The following ECT2L variants were observed in gnomAD, a reference collection of about 807,000 sequenced individuals.
ECT2L encodes the protein epithelial cell-transforming sequence 2 oncogene-like.
ECT2L carries 126 observed loss-of-function variants against 122.8 expected under a neutral mutation model. The ratio of observed to expected loss-of-function variants is 1.03; its 90% confidence interval spans 0.89 to 1.19. The LOEUF is 1.19. Among genes scored for constraint, ECT2L ranks in the 50% most tolerant of loss-of-function variants. ECT2L has a pLI of 0.00. For synonymous variants in ECT2L, 385 were observed against 381.8 expected, an observed-to-expected ratio of 1.01 and a Z score of -0.10; for missense variants, 1,012 against 1,064.1, an observed-to-expected ratio of 0.95 and a Z score of 0.68.
chr6:138,866,046 T>G (rs1778023638), intron 12 of ECT2L, among the ~76,000 whole-genome samples: 1 of 152,232 alleles, frequency 6.6e-6, no homozygotes, highest in African/African-American at 2.4e-5. Context: ...GGGATTTGCC[T>G]TCCTGCTTAT....
At chr6:138,886,072 G>T (rs1778810244) in intron 18 of ECT2L, among the ~76,000 whole-genome samples, 1 of 151,812 alleles carries the variant, frequency 6.6e-6, no homozygotes, top group African/African-American at 2.4e-5. Context: ...AAATTTTTAT[G>T]AAAGTTTGAA....
chr6:138,812,180 C>T (rs1369123687), intron 1 of ECT2L, among the ~76,000 whole-genome samples: 1 of 152,192 alleles, frequency 6.6e-6, no homozygotes, highest in Non-Finnish European at 1.5e-5. Flanking sequence ...AGAGAAGCCT[C>T]CTCAAACCAA....
intron 5 of ECT2L, 110 bp downstream of exon 5, chr6:138,838,624 C>T: frequency 9.4e-7 from 1 of 1,058,428 alleles, no homozygotes; most frequent in Non-Finnish European, 1.3e-6. Context: ...GGTACCTGAT[C>T]CATCATTAAC....
rs745368648 is a variant in ECT2L, at chr6:138,842,981, TTGCTTA to T, written c.348_353del (p.Cys116_Leu117del). The T allele has an allele frequency of 6.7e-7, 1 of 1,485,402 alleles. No homozygotes were observed. Among genetic ancestry groups the T allele is most frequent in the South Asian group, 1.5e-5 (1 of 67,798 alleles). The allele number at this position is 1,485,402 out of a possible 1,614,324, so 92.0% of individuals were successfully genotyped here. ...TCATCTTCCTCTTGTTTCTGAAGGATTGCTTATGGATGCCCAAATGCGTTAAGTTCG... is the reference window on the plus strand; with the variant it reads ...TCATCTTCCTCTTGTTTCTGAAGGATTGGATGCCCAAATGCGTTAAGTTCG... On this transcript the variant is annotated inframe_deletion, in exon 6 of 22. Coordinates refer to ENST00000541398, the MANE Select transcript of ECT2L (RefSeq NM_001077706.3).
In ECT2L at chr6:138,887,347, C is replaced by A. The variant is rs145714747; in HGVS notation, c.2325+425C>A. ...GTTCACACCATTCTCCTTCCCCAGC[C>A]TCCCGAGTAGCTGGGACTACAGGTG... is the stretch of plus-strand genomic sequence containing the variant. On this transcript the variant is annotated intron_variant, in intron 19 of 21. Coordinates refer to ENST00000541398, the MANE Select transcript of ECT2L (RefSeq NM_001077706.3). Among the ~76,000 whole-genome samples the A allele has an allele frequency of 1.7e-3, 254 of 152,184 alleles. 1 individual carries two copies. Among genetic ancestry groups the A allele is most frequent in the African/African-American group, 6.0e-3 (248 of 41,522 alleles).
At chr6:138,878,683 G>A (rs922892553) in intron 14 of ECT2L, among the ~76,000 whole-genome samples, 1 of 152,132 alleles carries the variant, frequency 6.6e-6, no homozygotes, top group Non-Finnish European at 1.5e-5. Context: ...CTGAGCTCAG[G>A]TGATCCACCC....
intron 11 of ECT2L, among the ~76,000 whole-genome samples, chr6:138,863,964 A>G (rs1383108975): frequency 7.9e-6 from 1 of 126,490 alleles, no homozygotes; most frequent in African/African-American, 3.1e-5. Context: ...CCTCCTGTTC[A>G]TCCTCCTTTT....
At chr6:138,834,929 A>T (rs1469499959) in intron 4 of ECT2L, among the ~76,000 whole-genome samples, 2 of 135,254 alleles carry the variant, frequency 1.5e-5, no homozygotes, top group African/African-American at 5.8e-5. Context: ...ACACACACAC[A>T]CACACACTCT....
intron 4 of ECT2L, among the ~76,000 whole-genome samples, chr6:138,837,950 G>C (rs1302183792): frequency 6.6e-6 from 1 of 150,780 alleles, no homozygotes; most frequent in Admixed American, 6.6e-5. Flanking sequence ...GCCCAGGCTG[G>C]AGTGCAGTAG....
Position 138,889,012 on chromosome 6 carries a change from G to A in ECT2L, c.2395G>A (p.Glu799Lys). The A allele has an allele frequency of 6.5e-7, 1 of 1,549,084 alleles. No homozygotes were observed. Among genetic ancestry groups the A allele is most frequent in the Non-Finnish European group, 8.8e-7 (1 of 1,141,758 alleles). ...AGCCCAACTTCATTGCTGTGATGAA[G>A]AAATAAGTTTCTCTTTAAGGTAAAC... Reference protein sequence around the residue: ...DVAQLHCCDEEISFSLRLYEH... With the variant: ...DVAQLHCCDEKISFSLRLYEH... The change falls in exon 20 of 22, where the codon GAA (glutamate) becomes AAA (lysine). Residue 799 changes from glutamate to lysine, a missense_variant. Glu to Lys is a moderately conservative substitution (Grantham distance 56, BLOSUM62 1). Coordinates refer to ENST00000541398, the MANE Select transcript of ECT2L (RefSeq NM_001077706.3).
chr6:138,832,602 C>T (rs567345640), intron 4 of ECT2L, among the ~76,000 whole-genome samples: 1 of 152,088 alleles, frequency 6.6e-6, no homozygotes, highest in Non-Finnish European at 1.5e-5. Flanking sequence ...TTTAGCAGCC[C>T]AGGAGAAGGT....
chr6:138,840,773 A>G (rs1377232313), intron 5 of ECT2L, among the ~76,000 whole-genome samples: 1 of 151,620 alleles, frequency 6.6e-6, no homozygotes, highest in East Asian at 1.9e-4. Flanking sequence ...CTTGTTTTGT[A>G]GTGATTTTTG....
chr6:138,800,633 C>T (rs768985283), intron 1 of ECT2L, among the ~76,000 whole-genome samples: 16 of 152,244 alleles, frequency 1.1e-4, no homozygotes, highest in Non-Finnish European at 1.5e-4. Flanking sequence ...ATGGAAATTG[C>T]TAGTAAGAAG....
chr6:138,816,077 G>A (rs1277961934), intron 4 of ECT2L, among the ~76,000 whole-genome samples: 3 of 152,156 alleles, frequency 2.0e-5, no homozygotes, highest in African/African-American at 7.2e-5. Flanking sequence ...AAATCAGGGG[G>A]AAGACATTTT....
At chr6:138,863,975 C>G (rs901870914) in intron 11 of ECT2L, among the ~76,000 whole-genome samples, 5 of 140,362 alleles carry the variant, frequency 3.6e-5, no homozygotes, top group East Asian at 2.0e-4. Context: ...TCCTCCTTTT[C>G]CCTCTCTTGT....
rs529233893 is a variant in ECT2L at position 138,823,014 on chromosome 6, C to T, written c.179+8411C>T. 4.6e-5 allele frequency: 74 copies of T among 1,609,430 alleles called. No individual in the cohort carries two copies. In the African/African-American group the frequency reaches 6.7e-4, roughly 15 times the overall value. ...GAATTTGGCTGTAGCAGATTTACTCCTTCTATTCACTCTGCCTTTTTGGGC... is the reference window on the plus strand; with the variant it reads ...GAATTTGGCTGTAGCAGATTTACTCTTTCTATTCACTCTGCCTTTTTGGGC... On this transcript the variant is annotated intron_variant, in intron 4 of 21. Transcript: ENST00000541398.
In ECT2L at chr6:138,886,899, C is replaced by G; in HGVS notation, c.2302C>G (p.Gln768Glu). The change falls in exon 19 of 22, where the codon CAG (glutamine) becomes GAG (glutamate). Residue 768 changes from glutamine (Q) to glutamate (E), a missense_variant. Physicochemically the swap from Gln to Glu is conservative, Grantham distance 29. Transcript: ENST00000541398. ...ITMKDHLSDI[Q>E]RIIWGCPTLS... ...TATGAAGGATCATCTGTCAGATATA[C>G]AGAGAATCATCTGGGGATGCCCTGT... 6.2e-7 allele frequency: 1 copy of G among 1,613,448 alleles called. No homozygotes were observed. Among genetic ancestry groups the G allele is most frequent in the Non-Finnish European group, 8.5e-7 (1 of 1,179,664 alleles).
At chr6:138,868,651 C>T (rs1015565899) in intron 13 of ECT2L, among the ~76,000 whole-genome samples, 2 of 152,000 alleles carry the variant, frequency 1.3e-5, no homozygotes, top group African/African-American at 2.4e-5. Context: ...GAGAACACAA[C>T]GGAACGGAAA....
At chr6:138,902,464 C>A (rs773506923) in intron 21 of ECT2L, 36 bp from the exon 22 acceptor site, 1 of 1,569,718 alleles carries the variant, frequency 6.4e-7, no homozygotes, top group Admixed American at 2.0e-5. Context: ...TTGTTATCTG[C>A]AAAGATTAAT....
Sources: gnomAD v4.1 joint callset for allele counts (sites outside exome capture counted in the v4.1 genomes callset) on GRCh38, gnomAD v4.1.1 for gene constraint, MANE v1.5 for transcripts, NCBI Gene and HGNC (gene_info 2026-07-23, HGNC 2026-07-21) for gene names.